The following LRMDA variants were observed in gnomAD, a reference collection of about 807,000 sequenced individuals.
LRMDA encodes leucine-rich melanocyte differentiation-associated protein.
A neutral mutation model predicts 29.8 loss-of-function variants in LRMDA; 18 were observed. That is an observed-to-expected ratio of 0.60 (90% CI 0.42 to 0.90). LRMDA has a LOEUF of 0.90. Ranked by LOEUF, LRMDA falls within the 40% of genes least tolerant of loss-of-function variation. LRMDA has a pLI of 0.00. For synonymous variants in LRMDA, 125 were observed against 109.4 expected, an observed-to-expected ratio of 1.14 and a Z score of -0.89; for missense variants, 273 against 273.9, an observed-to-expected ratio of 1.00 and a Z score of 0.02.
intron 6 of LRMDA, among the ~76,000 whole-genome samples, chr10:76,510,490 C>T (rs1321864335): frequency 6.6e-6 from 1 of 152,116 alleles, no homozygotes; most frequent in African/African-American, 2.4e-5. Context: ...GATTGGAATC[C>T]TTCCTGATCT....
chr10:76,464,083 C>G (rs1842540074), intron 6 of LRMDA, among the ~76,000 whole-genome samples: 1 of 151,808 alleles, frequency 6.6e-6, no homozygotes, highest in African/African-American at 2.4e-5. Context: ...CCACGCCCAG[C>G]TAATTTTGTA....
chr10:76,424,910 G>A (rs1351203074), intron 6 of LRMDA, among the ~76,000 whole-genome samples: 3 of 152,214 alleles, frequency 2.0e-5, no homozygotes, highest in African/African-American at 7.2e-5. Flanking sequence ...GGGTGGTTGA[G>A]TCAGGAGTAG....
intron 5 of LRMDA, among the ~76,000 whole-genome samples, chr10:76,133,361 A>ATAAT (rs1850034599): frequency 1.3e-5 from 2 of 152,094 alleles, no homozygotes; most frequent in African/African-American, 2.4e-5. Flanking sequence ...CTGTTGACAG[A>ATAAT]TAATTGCTTG....
chr10:76,417,502 G>A (rs1842029049), intron 6 of LRMDA, among the ~76,000 whole-genome samples: 1 of 150,464 alleles, frequency 6.6e-6, no homozygotes, highest in South Asian at 2.1e-4. Context: ...AATGGCCCCT[G>A]CCCCCCACAA....
At position 76,558,851 on chromosome 10, in the gene LRMDA, C is replaced by A. The variant is rs189943961; in HGVS notation, c.*1563C>A. On this transcript the variant is annotated 3_prime_UTR_variant, in exon 7 of 7. Coordinates refer to ENST00000611255, the MANE Select transcript of LRMDA (RefSeq NM_001305581.2). ...GGAGTCCCTGTTTGAGATTACACAA[C>A]CTTTGTTAATCAGTTCTTTAGACAA... 3 of 152,276 alleles carry A rather than the reference C, an allele frequency of 2.0e-5. No individual in the cohort carries two copies. The highest frequency in any genetic ancestry group is 1.3e-4 in the Admixed American group (2 of 15,288). The allele number at this position is 152,276 out of a possible 1,614,324, so 9.4% of individuals were successfully genotyped here. A position where few individuals can be genotyped will look rare whatever the true frequency, so the allele number is the denominator to read the frequency against.
At chr10:75,553,200 T>G (rs898147479) in intron 2 of LRMDA, among the ~76,000 whole-genome samples, 2 of 152,150 alleles carry the variant, frequency 1.3e-5, no homozygotes, top group African/African-American at 4.8e-5. Context: ...TGGAGACTCT[T>G]CTGTTGGGAT....
At chr10:75,853,333 A>C (rs910730522) in intron 2 of LRMDA, among the ~76,000 whole-genome samples, 4 of 152,116 alleles carry the variant, frequency 2.6e-5, no homozygotes, top group African/African-American at 9.7e-5. Flanking sequence ...GGAAAATGAA[A>C]ATGATCTCCT....
rs536799865 is a variant in LRMDA at position 75,725,200 on chromosome 10, C to G, written c.131+286706C>G. On this transcript the variant is annotated intron_variant, in intron 2 of 6. Transcript: ENST00000611255. ...TTTTGGGAACTGGAGAATCCAATCC[C>G]CTTTTTTCCCAAAGGCCAGTGCCAC... Among the ~76,000 whole-genome samples, 5 of 152,284 alleles carry G rather than the reference C, an allele frequency of 3.3e-5. No individual in the cohort carries two copies. In the South Asian group the frequency reaches 1.0e-3, roughly 32 times the overall value.
intron 5 of LRMDA, among the ~76,000 whole-genome samples, chr10:76,257,336 CTT>C (rs35378191): frequency 6.3e-5 from 9 of 142,094 alleles, no homozygotes; most frequent in Non-Finnish European, 3.1e-5. Context: ...TTTTCTTTTT[CTT>C]TTTTTTTTTT....
At chr10:75,901,528 T>C (rs1845672647) in intron 2 of LRMDA, among the ~76,000 whole-genome samples, 1 of 152,200 alleles carries the variant, frequency 6.6e-6, no homozygotes, top group African/African-American at 2.4e-5. Context: ...ATACAACTTG[T>C]GACAAATGCG....
At chr10:76,056,352 A>C (rs937201698) in intron 4 of LRMDA, among the ~76,000 whole-genome samples, 35 of 152,214 alleles carry the variant, frequency 2.3e-4, no homozygotes, top group Admixed American at 2.2e-3. Context: ...CTGATTTACG[A>C]AACTGGTAGC....
In LRMDA at chr10:75,982,806, C is replaced by A. The variant is rs116370490; in HGVS notation, c.132-53202C>A. Among the ~76,000 whole-genome samples the A allele has an allele frequency of 2.0e-5, 3 of 152,240 alleles. No homozygotes were observed. The East Asian group carries it at 5.8e-4, about 29-fold the overall frequency. On this transcript the variant is annotated intron_variant, in intron 2 of 6. Coordinates refer to ENST00000611255, the MANE Select transcript of LRMDA (RefSeq NM_001305581.2). ...GAGAGAGAACTTAGAGACACAGGACCGGGCATGAGCTTAATTCTAGCAGCT... is the reference window on the plus strand; with the variant it reads ...GAGAGAGAACTTAGAGACACAGGACAGGGCATGAGCTTAATTCTAGCAGCT...
At chr10:76,555,454 A>G (rs1462444121) in intron 6 of LRMDA, among the ~76,000 whole-genome samples, 2 of 152,150 alleles carry the variant, frequency 1.3e-5, no homozygotes, top group Non-Finnish European at 2.9e-5. Flanking sequence ...CATGGCAGGA[A>G]GTAAAACTAA....
intron 2 of LRMDA, among the ~76,000 whole-genome samples, chr10:75,810,301 C>T: frequency 6.6e-6 from 1 of 152,138 alleles, no homozygotes; most frequent in East Asian, 1.9e-4. Context: ...TGCAGTCACA[C>T]TGGCTGCAGT....
At chr10:75,707,066 G>A (rs1387194489) in intron 2 of LRMDA, among the ~76,000 whole-genome samples, 2 of 152,170 alleles carry the variant, frequency 1.3e-5, no homozygotes, top group Non-Finnish European at 2.9e-5. Flanking sequence ...AGTGCCTTGG[G>A]GCGTTGGAGA....
intron 6 of LRMDA, among the ~76,000 whole-genome samples, chr10:76,388,519 C>T (rs74543577): frequency 0.019 from 2,883 of 152,302 alleles, 87 homozygotes; most frequent in African/African-American, 0.066. Context: ...TGTGGCCTGG[C>T]TTGCTTGTGG....
chr10:75,470,717 C>T (rs1195167548), intron 2 of LRMDA, among the ~76,000 whole-genome samples: 3 of 152,094 alleles, frequency 2.0e-5, no homozygotes, highest in African/African-American at 7.2e-5. Context: ...TAGGTGCCCT[C>T]AGTCTGAGCA....
At chr10:75,659,960 T>C (rs1178579964) in intron 2 of LRMDA, among the ~76,000 whole-genome samples, 1 of 152,148 alleles carries the variant, frequency 6.6e-6, no homozygotes, top group Non-Finnish European at 1.5e-5. Flanking sequence ...TTACTCTTGA[T>C]CCTAGGAGGA....
At chr10:75,906,082 A>G (rs1336072213) in intron 2 of LRMDA, among the ~76,000 whole-genome samples, 1 of 151,388 alleles carries the variant, frequency 6.6e-6, no homozygotes, top group African/African-American at 2.4e-5. Context: ...CCCCTGCCAC[A>G]GAGGAAGACT....
Sources: allele counts gnomAD v4.1 joint callset (sites outside exome capture counted in the v4.1 genomes callset), GRCh38; gene constraint gnomAD v4.1.1; transcripts MANE v1.5; gene names NCBI Gene and HGNC (gene_info 2026-07-23, HGNC 2026-07-21).